Variants in PINX1 observed in about 807,000 individuals in gnomAD.
PINX1 encodes the protein PIN2/TERF1-interacting telomerase inhibitor 1.
PINX1 carries 34 observed loss-of-function variants against 25.4 expected under a neutral mutation model. The ratio of observed to expected loss-of-function variants is 1.34; its 90% CI spans 1.02 to 1.78. PINX1 has a LOEUF of 1.78. PINX1 is among the 40% of genes most tolerant of loss of function. The pLI, the probability that PINX1 is intolerant of heterozygous loss-of-function variation, is 0.00. For missense variants in PINX1, 592 were observed against 404.9 expected (o/e 1.46, Z -3.97); for synonymous variants, 197 against 147.7 (o/e 1.33, Z -2.42).
intron 4 of PINX1, among the ~76,000 whole-genome samples, chr8:10,829,866 G>T (rs1300588056): frequency 2.0e-5 from 3 of 152,084 alleles, no homozygotes; most frequent in Non-Finnish European, 4.4e-5. Flanking sequence ...GTATTTTTAG[G>T]AGAGACAGGG....
intron 5 of PINX1, among the ~76,000 whole-genome samples, chr8:10,824,470 TACTG>T (rs1419061446): frequency 6.6e-6 from 1 of 152,148 alleles, no homozygotes; most frequent in Non-Finnish European, 1.5e-5. Flanking sequence ...CTGTTCTGCA[TACTG>T]ACTCCCTCTT....
intron 6 of PINX1, among the ~76,000 whole-genome samples, chr8:10,810,140 C>A (rs1262733519): frequency 6.6e-6 from 1 of 152,196 alleles, no homozygotes; most frequent in Non-Finnish European, 1.5e-5. Flanking sequence ...TCCGCCCCAA[C>A]AACACAAACA....
chr8:10,784,885 G>A (rs1243941124), intron 6 of PINX1, among the ~76,000 whole-genome samples: 1 of 152,206 alleles, frequency 6.6e-6, no homozygotes. Context: ...AAAGACTAAA[G>A]CATTTCAGCC....
At chr8:10,772,038 G>T (rs1801242086) in intron 6 of PINX1, among the ~76,000 whole-genome samples, 1 of 152,198 alleles carries the variant, frequency 6.6e-6, no homozygotes, top group Non-Finnish European at 1.5e-5. Context: ...AAAAAGCAAG[G>T]TACTGTGTGG....
At chr8:10,773,673 TA>T (rs1200544751) in intron 6 of PINX1, among the ~76,000 whole-genome samples, 1 of 152,202 alleles carries the variant, frequency 6.6e-6, no homozygotes, top group East Asian at 1.9e-4. Flanking sequence ...TTTTTTCCCA[TA>T]TGCCTAACCA....
intron 6 of PINX1, among the ~76,000 whole-genome samples, chr8:10,801,462 A>G (rs879679018): frequency 4.6e-5 from 7 of 152,244 alleles, no homozygotes; most frequent in Non-Finnish European, 8.8e-5. Flanking sequence ...GTGAGGAGGA[A>G]GAAGATCAGA....
chr8:10,785,754 G>A (rs988398064), intron 6 of PINX1, among the ~76,000 whole-genome samples: 1 of 152,204 alleles, frequency 6.6e-6, no homozygotes, highest in Non-Finnish European at 1.5e-5. Context: ...CCCAGTATGT[G>A]GAGGTCTGTT....
At chr8:10,770,491 T>C (rs560912096) in intron 6 of PINX1, among the ~76,000 whole-genome samples, 5 of 152,332 alleles carry the variant, frequency 3.3e-5, no homozygotes, top group South Asian at 2.1e-4. Flanking sequence ...GTCTACAGAA[T>C]TAAAGTCTGT....
chr8:10,821,907 C>G (rs1797890458), intron 5 of PINX1: 1 of 152,220 alleles, frequency 6.6e-6, no homozygotes, highest in South Asian at 2.1e-4. Flanking sequence ...AGTTCTAAAA[C>G]ATGATGTCAA....
At chr8:10,778,397 C>T (rs1801478893) in intron 6 of PINX1, among the ~76,000 whole-genome samples, 1 of 152,064 alleles carries the variant, frequency 6.6e-6, no homozygotes, top group African/African-American at 2.4e-5. Context: ...AATCATTTGT[C>T]CTGTAAAGTT....
At chr8:10,804,010 T>G (rs914814202) in intron 6 of PINX1, among the ~76,000 whole-genome samples, 3 of 142,132 alleles carry the variant, frequency 2.1e-5, no homozygotes, top group African/African-American at 7.6e-5. Flanking sequence ...ACCAACGAAC[T>G]CATATAGTTA....
chr8:10,794,684 T>G (rs1191903098), intron 6 of PINX1, among the ~76,000 whole-genome samples: 2 of 152,198 alleles, frequency 1.3e-5, no homozygotes, highest in Non-Finnish European at 2.9e-5. Flanking sequence ...TCACGAGGCT[T>G]CCCAAAGTGC....
chr8:10,826,482 C>A (rs1284254623), intron 4 of PINX1, among the ~76,000 whole-genome samples: 2 of 152,206 alleles, frequency 1.3e-5, no homozygotes, highest in East Asian at 3.8e-4. Flanking sequence ...GGCTGCCCTC[C>A]AGAAATTTAG....
rs556970944 is a variant in PINX1 at position 10,812,682 on chromosome 8, T to C, written c.471+7511A>G. 2.6e-5 allele frequency among the ~76,000 whole-genome samples: 4 copies of C among 152,346 alleles called. No homozygotes were observed. The South Asian group carries it at 8.3e-4, about 32-fold the overall frequency. On this transcript the variant is annotated intron_variant, in intron 6 of 6. Transcript: ENST00000314787. ...GCCACTGTCCCTGAAGGCAATTCCC[T>C]GAACGTACTCCTTGAAAACATGACA...
In PINX1 at chr8:10,810,616, G is replaced by A. The variant is rs546451734; in HGVS notation, c.471+9577C>T. ...GAAATATAAAAATTCCTGCCCTCAC[G>A]GGGATCCCAGTCTCCTAAGGGAAGG... On this transcript the variant is annotated intron_variant, in intron 6 of 6. Transcript: ENST00000314787. Among the ~76,000 whole-genome samples, 151 of 152,240 alleles carry A rather than the reference G, an allele frequency of 9.9e-4. 1 individual carries two copies. Among genetic ancestry groups the A allele is most frequent in the African/African-American group, 3.4e-3 (140 of 41,530 alleles).
At chr8:10,783,307 G>A (rs1325200333) in intron 6 of PINX1, among the ~76,000 whole-genome samples, 2 of 152,116 alleles carry the variant, frequency 1.3e-5, no homozygotes, top group African/African-American at 4.8e-5. Flanking sequence ...AAATACCTGT[G>A]GATGAAATAG....
intron 6 of PINX1, among the ~76,000 whole-genome samples, chr8:10,794,353 C>T (rs1279878928): frequency 1.3e-5 from 2 of 151,966 alleles, no homozygotes; most frequent in African/African-American, 4.8e-5. Context: ...TGTTTATTCA[C>T]AAAAAGTAGC....
At chr8:10,827,061 T>A (rs1039692833) in intron 4 of PINX1, among the ~76,000 whole-genome samples, 16 of 152,194 alleles carry the variant, frequency 1.1e-4, no homozygotes, top group African/African-American at 3.9e-4. Context: ...AATGTCAACT[T>A]CCCGGTTGCG....
chr8:10,785,646 A>G (rs1332755410), intron 6 of PINX1, among the ~76,000 whole-genome samples: 1 of 152,230 alleles, frequency 6.6e-6, no homozygotes, highest in African/African-American at 2.4e-5. Context: ...CTCTAGAACA[A>G]AAGTTCTCAA....
Sources: gnomAD v4.1 joint callset for allele counts (sites outside exome capture counted in the v4.1 genomes callset) on GRCh38, gnomAD v4.1.1 for gene constraint, MANE v1.5 for transcripts, NCBI Gene and HGNC (gene_info 2026-07-23, HGNC 2026-07-21) for gene names.